MAPK4: variants seen among roughly 807,000 people sequenced by gnomAD.
The protein encoded by MAPK4 is mitogen-activated protein kinase 4, also known as Erk3-related.
In MAPK4, 22 loss-of-function variants were observed where a neutral mutation model predicts 47.7. The ratio of observed to expected loss-of-function variants is 0.46; its 90% CI spans 0.33 to 0.66. MAPK4 has a LOEUF of 0.66. MAPK4 is among the 30% of genes least tolerant of loss of function. The pLI is 0.02. For synonymous variants in MAPK4, 390 were observed against 365.7 expected (o/e 1.07, Z -0.76); for missense variants, 736 against 831.7 (o/e 0.88, Z 1.42).
intron 1 of MAPK4, among the ~76,000 whole-genome samples, chr18:50,613,505 T>A (rs1018220445): frequency 3.9e-5 from 6 of 152,234 alleles, no homozygotes; most frequent in Non-Finnish European, 8.8e-5. Context: ...GATTGAAGCC[T>A]TGTGACCCCG....
intron 1 of MAPK4, among the ~76,000 whole-genome samples, chr18:50,589,561 A>C: frequency 6.8e-6 from 1 of 147,772 alleles, no homozygotes; most frequent in South Asian, 2.2e-4. Context: ...GCGCCACTGC[A>C]CTCCAGCCTG....
chr18:50,570,655 ACTCTG>A (rs1342393767), intron 1 of MAPK4, among the ~76,000 whole-genome samples: 3 of 151,966 alleles, frequency 2.0e-5, no homozygotes, highest in Non-Finnish European at 4.4e-5. Context: ...TTTCCAGATG[ACTCTG>A]CTTGATGCTA....
At chr18:50,631,360 T>C (rs770371748) in intron 1 of MAPK4, among the ~76,000 whole-genome samples, 1 of 152,170 alleles carries the variant, frequency 6.6e-6, no homozygotes, top group Non-Finnish European at 1.5e-5. Context: ...TACGGTTGGC[T>C]GTGAGTTCAA....
chr18:50,599,635 T>C lies in MAPK4; in HGVS notation c.-871+39392T>C, dbSNP rs1598811750. ...GGTTTTGCCATGTTGCCCAGGCTGGTCTTGAACTCCTGGGCTCAAGCGGTC... is the reference window on the plus strand; with the variant it reads ...GGTTTTGCCATGTTGCCCAGGCTGGCCTTGAACTCCTGGGCTCAAGCGGTC... On this transcript the variant is annotated intron_variant, in intron 1 of 5. Coordinates refer to ENST00000400384, the MANE Select transcript of MAPK4 (RefSeq NM_002747.4). 2.0e-5 allele frequency among the ~76,000 whole-genome samples: 3 copies of C among 152,276 alleles called. No homozygotes were observed. In the South Asian group the frequency reaches 6.2e-4, roughly 32 times the overall value.
chr18:50,723,842 T>C (rs1235166945), intron 4 of MAPK4, among the ~76,000 whole-genome samples: 4 of 141,914 alleles, frequency 2.8e-5, no homozygotes, highest in Admixed American at 2.2e-4. Flanking sequence ...CCAACCTGGA[T>C]GGCAGGAGTG....
chr18:50,698,405 TTTG>T (rs1308478309), intron 2 of MAPK4, among the ~76,000 whole-genome samples: 1 of 152,216 alleles, frequency 6.6e-6, no homozygotes, highest in Non-Finnish European at 1.5e-5. Flanking sequence ...CCTTGTATTT[TTTG>T]TTAATTACAT....
At chr18:50,703,200 C>T (rs1342372232) in intron 2 of MAPK4, among the ~76,000 whole-genome samples, 1 of 152,156 alleles carries the variant, frequency 6.6e-6, no homozygotes, top group African/African-American at 2.4e-5. Flanking sequence ...CCTTCTCCAT[C>T]CCCACTGCCT....
At chr18:50,651,486 C>T (rs369003900) in intron 1 of MAPK4, among the ~76,000 whole-genome samples, 3 of 152,334 alleles carry the variant, frequency 2.0e-5, no homozygotes, top group South Asian at 4.2e-4. Flanking sequence ...TGGTATTTCT[C>T]CTGCTAGAAC....
At chr18:50,601,985 G>A (rs1440620260) in intron 1 of MAPK4, among the ~76,000 whole-genome samples, 2 of 152,106 alleles carry the variant, frequency 1.3e-5, no homozygotes, top group Non-Finnish European at 2.9e-5. Context: ...GCAAACCTTA[G>A]GCCAGTAAGT....
rs543850407 is a variant in MAPK4, at chr18:50,649,714, G to C, written c.-870-13375G>C. 5.0e-3 allele frequency among the ~76,000 whole-genome samples: 759 copies of C among 152,338 alleles called. 7 individuals carry two copies. The highest frequency in any genetic ancestry group is 0.017 in the African/African-American group (727 of 41,588). ...CAAGTACTCTTCCTCCCAAAGGGTA[G>C]CTTGGAAGTAGGACTCTATATAAGC... On this transcript the variant is annotated intron_variant, in intron 1 of 5. Coordinates refer to ENST00000400384, the MANE Select transcript of MAPK4 (RefSeq NM_002747.4).
intron 2 of MAPK4, among the ~76,000 whole-genome samples, chr18:50,695,777 C>T (rs1044836053): frequency 6.6e-6 from 1 of 152,160 alleles, no homozygotes; most frequent in Admixed American, 6.5e-5. Flanking sequence ...AAGAGGAAAC[C>T]ATCAAAGTCT....
In MAPK4 at chr18:50,678,962, T is replaced by C. The variant is rs891585843; in HGVS notation, c.546+14458T>C. Among the ~76,000 whole-genome samples the C allele has an allele frequency of 6.6e-6, 1 of 152,184 alleles. No homozygotes were observed. Among genetic ancestry groups the C allele is most frequent in the Admixed American group, 6.5e-5 (1 of 15,286 alleles). On this transcript the variant is annotated intron_variant, in intron 2 of 5. Coordinates refer to ENST00000400384, the MANE Select transcript of MAPK4 (RefSeq NM_002747.4). The surrounding 1 kb of genome is among the most constrained non-coding windows in gnomAD (Gnocchi z 4.2). ...TGCAGCGTCTTCTGCATACAAATAC[T>C]ACCATCTGTAGGAACCATGCAAACT...
intron 2 of MAPK4, among the ~76,000 whole-genome samples, chr18:50,672,594 C>T (rs1444597008): frequency 6.6e-6 from 1 of 152,024 alleles, no homozygotes; most frequent in Non-Finnish European, 1.5e-5. Flanking sequence ...CTCTTCTACC[C>T]ACTCTCAGAA....
At chr18:50,661,514 T>C (rs143186773) in intron 1 of MAPK4, among the ~76,000 whole-genome samples, 18 of 152,354 alleles carry the variant, frequency 1.2e-4, no homozygotes, top group African/African-American at 4.1e-4. Context: ...TATCCTCACC[T>C]GTAAAGTTAG....
chr18:50,658,419 C>T (rs1173578282), intron 1 of MAPK4, among the ~76,000 whole-genome samples: 1 of 152,220 alleles, frequency 6.6e-6, no homozygotes, highest in African/African-American at 2.4e-5. Flanking sequence ...AGATTCTTCA[C>T]CTGCCAGAGG....
At chr18:50,589,453 G>A (rs113004940) in intron 1 of MAPK4, among the ~76,000 whole-genome samples, 6,140 of 151,900 alleles carry the variant, frequency 0.04, 434 homozygotes, top group African/African-American at 0.14. Flanking sequence ...AAAATTAGCC[G>A]AGCGTGGTGG....
Position 50,664,171 on chromosome 18 carries a change from C to T in MAPK4, c.213C>T (p.Arg71=), listed in dbSNP as rs536964018. Residue 71 remains arginine (R), a synonymous_variant, in exon 2 of 6, where the codon CGC becomes CGT. Transcript: ENST00000400384. This position sits in a 1 kb window ranked among gnomAD's most constrained non-coding sequence, Gnocchi z 6.0. Reference sequence around the variant, plus strand: ...TCCGAGAGATCAAGATCATTCGGCGCCTGGACCACGACAACATCGTCAAAG... The same window carrying T: ...TCCGAGAGATCAAGATCATTCGGCGTCTGGACCACGACAACATCGTCAAAG... The part of the protein sequence containing the change: ...HALREIKIIR[R]LDHDNIVKVY... 9.3e-6 allele frequency: 15 copies of T among 1,614,094 alleles called. No individual in the cohort carries two copies. In the South Asian group the frequency reaches 1.6e-4, roughly 18 times the overall value.
rs1907496258 is a variant in MAPK4 at position 50,664,613 on chromosome 18, G to C, written c.546+109G>C. On this transcript the variant is annotated intron_variant, in intron 2 of 5. Transcript: ENST00000400384. This position sits in a 1 kb window ranked among gnomAD's most constrained non-coding sequence, Gnocchi z 6.0. The stretch of plus-strand genomic sequence containing the variant: ...CATGGTAGTCAGAGGACTAGAGTTA[G>C]TAATTAGGGGAGGCTGGAGGGTGCT... 1.6e-6 allele frequency: 2 copies of C among 1,235,252 alleles called. No individual in the cohort carries two copies. The highest frequency in any genetic ancestry group is 2.2e-6 in the Non-Finnish European group (2 of 894,458). 76.5% of individuals were successfully genotyped at this position (1,235,252 alleles called of 1,614,324 possible).
intron 2 of MAPK4, among the ~76,000 whole-genome samples, chr18:50,696,869 C>T (rs533875965): frequency 6.6e-6 from 1 of 151,996 alleles, no homozygotes; most frequent in East Asian, 1.9e-4. Context: ...GGGTCCCTTG[C>T]ACACATTTGG....
Sources: gnomAD v4.1 joint callset for allele counts (sites outside exome capture counted in the v4.1 genomes callset) on GRCh38, gnomAD v4.1.1 for gene constraint, Gnocchi (gnomAD v3.1) non-coding constraint, MANE v1.5 for transcripts, NCBI Gene and HGNC (gene_info 2026-07-23, HGNC 2026-07-21) for gene names.